ATP6V0A1: variants seen among roughly 807,000 people sequenced by gnomAD.
ATP6V0A1 encodes ATPase H+ transporting V0 subunit a1.
In ATP6V0A1, 43 loss-of-function variants were observed where a neutral mutation model predicts 105.4. That is an observed-to-expected ratio of 0.41 (90% CI 0.32 to 0.53). The LOEUF is 0.53. ATP6V0A1 is among the 20% of genes least tolerant of loss of function. ATP6V0A1 has a pLI of 0.30. For synonymous variants in ATP6V0A1, 362 were observed against 372.8 expected (o/e 0.97, Z 0.33); for missense variants, 676 against 1,051.1 (o/e 0.64, Z 4.93).
intron 4 of ATP6V0A1, 133 bp from the exon 5 acceptor site, chr17:42,469,957 C>T: frequency 1.1e-6 from 1 of 919,274 alleles, no homozygotes; most frequent in Non-Finnish European, 1.6e-6. Context: ...AGTAAAATCA[C>T]AGTATTTGCT....
Position 42,462,922 on chromosome 17 carries a change from A to G in ATP6V0A1, c.117+1911A>G, listed in dbSNP as rs377596696. Among the ~76,000 whole-genome samples the G allele has an allele frequency of 2.6e-4, 39 of 147,532 alleles. No individual in the cohort carries two copies. The East Asian group carries it at 7.7e-3, about 29-fold the overall frequency. On this transcript the variant is annotated intron_variant, in intron 2 of 21. Transcript: ENST00000343619. ...GCCACTGTGCCTGGCTGAAATGTAC[A>G]CATCTTAAGAGTACAATTTGCTGAA... is the stretch of plus-strand genomic sequence containing the variant.
intron 14 of ATP6V0A1, among the ~76,000 whole-genome samples, chr17:42,497,222 C>T (rs1245878736): frequency 2.0e-5 from 3 of 150,256 alleles, no homozygotes; most frequent in Non-Finnish European, 4.4e-5. Flanking sequence ...ACAGCTTGAA[C>T]CTGGGAGGCA....
intron 2 of ATP6V0A1, among the ~76,000 whole-genome samples, chr17:42,464,065 G>GT (rs1242275745): frequency 6.6e-6 from 1 of 152,186 alleles, no homozygotes; most frequent in East Asian, 1.9e-4. Context: ...CTGTGTGTTA[G>GT]TGGACCAGCA....
intron 5 of ATP6V0A1, 112 bp from the exon 6 acceptor site, chr17:42,477,548 C>A: frequency 9.4e-7 from 1 of 1,060,438 alleles, no homozygotes; most frequent in Non-Finnish European, 1.4e-6. Flanking sequence ...TTTTCTTTTT[C>A]ATCCTTATTT....
intron 14 of ATP6V0A1, among the ~76,000 whole-genome samples, chr17:42,497,089 G>A (rs934432875): frequency 2.0e-5 from 3 of 147,406 alleles, no homozygotes; most frequent in Non-Finnish European, 3.0e-5. Flanking sequence ...ATGACTTGCG[G>A]TCAGGAAATT....
In ATP6V0A1 at chr17:42,490,643, A is replaced by G. The variant is rs748074368; in HGVS notation, c.1174+6A>G. The G allele has an allele frequency of 1.1e-5, 18 of 1,578,804 alleles. No homozygotes were observed. In the Admixed American group the frequency reaches 3.6e-4, roughly 32 times the overall value. ...TTACCGAGAGATAAATCCAGGTAAA[A>G]AAAAGCTTGTTATCTTTTTCCTCTA... On this transcript the variant is annotated splice_donor_region_variant and intron_variant, in intron 11 of 21. Coordinates refer to ENST00000343619, the MANE Select transcript of ATP6V0A1 (RefSeq NM_001130021.3).
intron 11 of ATP6V0A1, among the ~76,000 whole-genome samples, chr17:42,492,261 C>T (rs1051871787): frequency 3.8e-4 from 57 of 151,772 alleles, no homozygotes; most frequent in African/African-American, 1.0e-3. Context: ...CCCAGCTACT[C>T]GGGAGGCTGA....
chr17:42,516,239 T>G (rs1243584920), intron 21 of ATP6V0A1, among the ~76,000 whole-genome samples: 1 of 152,222 alleles, frequency 6.6e-6, no homozygotes, highest in East Asian at 1.9e-4. Flanking sequence ...CTTTGATTAT[T>G]CTCATGGCTG....
intron 3 of ATP6V0A1, 26 bp from the exon 4 acceptor site, chr17:42,467,984 T>C (rs776492163): frequency 1.2e-5 from 18 of 1,524,706 alleles, no homozygotes; most frequent in Non-Finnish European, 1.5e-5. Context: ...CAGTTAGACA[T>C]GAATGTTTTG....
chr17:42,464,780 T>C (rs570170730), intron 2 of ATP6V0A1, among the ~76,000 whole-genome samples: 7 of 152,298 alleles, frequency 4.6e-5, no homozygotes, highest in African/African-American at 1.7e-4. Context: ...TAAATTGTGT[T>C]GTTCAGCTTT....
At chr17:42,488,961 G>A (rs2090369392) in intron 10 of ATP6V0A1, among the ~76,000 whole-genome samples, 2 of 148,860 alleles carry the variant, frequency 1.3e-5, no homozygotes, top group Non-Finnish European at 3.0e-5. Context: ...GTTGCAGTGA[G>A]CTGAGATCAT....
At chr17:42,473,087 AT>A (rs1269167997) in intron 5 of ATP6V0A1, among the ~76,000 whole-genome samples, 4 of 152,214 alleles carry the variant, frequency 2.6e-5, no homozygotes, top group African/African-American at 9.6e-5. Context: ...GGAAAAACTC[AT>A]ATGAATTTAA....
At chr17:42,519,435 T>G (rs1220309974) in intron 21 of ATP6V0A1, 2 of 152,250 alleles carry the variant, frequency 1.3e-5, no homozygotes, top group Non-Finnish European at 2.9e-5. Context: ...AGGTGACTTG[T>G]CCACTCTCTG....
intron 5 of ATP6V0A1, among the ~76,000 whole-genome samples, chr17:42,472,593 G>A (rs148858373): frequency 0.015 from 2,243 of 151,916 alleles, 59 homozygotes; most frequent in African/African-American, 0.051. Flanking sequence ...GCATGGTGGC[G>A]GGCGCCTATA....
intron 4 of ATP6V0A1, among the ~76,000 whole-genome samples, chr17:42,469,432 GC>G (rs1255881902): frequency 1.3e-5 from 2 of 148,408 alleles, no homozygotes; most frequent in African/African-American, 5.0e-5. Flanking sequence ...CCGGGTTCAA[GC>G]CATTCTCCTG....
intron 21 of ATP6V0A1, among the ~76,000 whole-genome samples, chr17:42,517,424 A>G (rs2092676306): frequency 6.6e-6 from 1 of 152,212 alleles, no homozygotes; most frequent in African/African-American, 2.4e-5. Flanking sequence ...TACCATCAGA[A>G]TGCCCTCAGG....
chr17:42,460,139 C>T (rs1406364997), intron 1 of ATP6V0A1: 1 of 152,144 alleles, frequency 6.6e-6, no homozygotes, highest in Non-Finnish European at 1.5e-5. Flanking sequence ...CAGAAAGCTG[C>T]AGAGGTGGAA....
intron 9 of ATP6V0A1, 25 bp from the exon 10 acceptor site, chr17:42,487,130 T>G (rs755514681): frequency 6.2e-7 from 1 of 1,610,938 alleles, no homozygotes; most frequent in Admixed American, 1.7e-5. Flanking sequence ...AAAGGATCCC[T>G]CGCTTGTTCC....
chr17:42,494,436 G>C lies in ATP6V0A1; in HGVS notation c.1277G>C (p.Arg426Thr), dbSNP rs1188443948. ...MTLFAVWMVL[R>T]ESRILSQKNE... Reference sequence around the variant, plus strand: ...CTTTTTGCTGTGTGGATGGTACTGAGGGAGAGCCGGATCCTTTCCCAGAAG... The same window carrying C: ...CTTTTTGCTGTGTGGATGGTACTGACGGAGAGCCGGATCCTTTCCCAGAAG... Residue 426 changes from arginine (R) to threonine (T), a missense_variant, in exon 12 of 22, where the codon AGG becomes ACG. Coordinates refer to ENST00000343619, the MANE Select transcript of ATP6V0A1 (RefSeq NM_001130021.3). 5 of 1,613,922 alleles carry C rather than the reference G, an allele frequency of 3.1e-6. No individual in the cohort carries two copies. Among genetic ancestry groups the C allele is most frequent in the Non-Finnish European group, 4.2e-6 (5 of 1,179,912 alleles).
Sources: gnomAD v4.1 joint callset for allele counts (sites outside exome capture counted in the v4.1 genomes callset) on GRCh38, gnomAD v4.1.1 for gene constraint, MANE v1.5 for transcripts, NCBI Gene and HGNC (gene_info 2026-07-23, HGNC 2026-07-21) for gene names.